Variants in SACS observed in about 807,000 individuals in gnomAD.
The protein encoded by SACS is sacsin.
A neutral mutation model predicts 348.0 loss-of-function variants in SACS; 197 were observed. That is an observed-to-expected ratio of 0.57 (90% CI 0.50 to 0.64). The LOEUF (loss-of-function observed/expected upper bound fraction) is 0.64. SACS is among the 30% of genes least tolerant of loss of function. SACS has a pLI of 0.00. For synonymous variants in SACS, 1,985 were observed against 1,910.6 expected (o/e 1.04, Z -1.02); for missense variants, 4,999 against 5,360.8 (o/e 0.93, Z 2.11).
chr13:23,384,878 T>C (rs1465374809), intron 2 of SACS, among the ~76,000 whole-genome samples: 2 of 152,186 alleles, frequency 1.3e-5, no homozygotes, highest in Non-Finnish European at 2.9e-5. Context: ...ATAAGTCACA[T>C]AATATTTTGT....
Position 23,365,208 on chromosome 13 carries a change from C to T in SACS, c.415G>A (p.Gly139Arg), listed in dbSNP as rs765332147. ...VKFLYDETQY[G>R]TETLWSKDMA... ...TCTTTTGACCAAAGAGTCTCTGTTCCGTATTGAGTTTCATCATATAAAAAT... is the reference window on the plus strand; with the variant it reads ...TCTTTTGACCAAAGAGTCTCTGTTCTGTATTGAGTTTCATCATATAAAAAT... The change falls in exon 6 of 10, where the codon GGA (glycine) becomes AGA (arginine). Residue 139 changes from glycine to arginine, a missense_variant. Physicochemically the swap from Gly to Arg is moderately radical, Grantham distance 125 (BLOSUM62 -2). This residue lies in a region of SACS where 3,156 missense variants were observed against 3,380.1 expected (regional missense o/e 0.93). Transcript: ENST00000382292. 5 of 1,612,732 alleles carry T rather than the reference C, an allele frequency of 3.1e-6. No individual in the cohort carries two copies. Among genetic ancestry groups the T allele is most frequent in the African/African-American group, 1.3e-5 (1 of 74,888 alleles).
chr13:23,429,459 T>C (rs951611807), intron 1 of SACS, among the ~76,000 whole-genome samples: 2 of 142,748 alleles, frequency 1.4e-5, no homozygotes, highest in African/African-American at 2.6e-5. Flanking sequence ...GCCTCCCGGG[T>C]TCACGCCATT....
At chr13:23,377,392 C>T (rs935903025) in intron 2 of SACS, among the ~76,000 whole-genome samples, 14 of 152,160 alleles carry the variant, frequency 9.2e-5, no homozygotes, top group African/African-American at 2.9e-4. Flanking sequence ...GAATGAAAAA[C>T]CTCGGTTTTT....
chr13:23,391,020 C>A (rs1872510750), intron 2 of SACS, among the ~76,000 whole-genome samples: 1 of 152,232 alleles, frequency 6.6e-6, no homozygotes, highest in African/African-American at 2.4e-5. Flanking sequence ...AGTGCAGACG[C>A]CACCACAGGC....
At position 23,336,922 on chromosome 13, in the gene SACS, A is replaced by C. The variant is rs1481828108; in HGVS notation, c.6954T>G (p.Ala2318=). Residue 2318 remains alanine, a synonymous_variant, in exon 10 of 10, where the codon GCT becomes GCG. Transcript: ENST00000382292. The part of the protein sequence containing the change: ...ITLYQENITN[A]CYKYLHEALM... ...AGGCTTCATGAAGGTATTTGTAGCA[A>C]GCATTGGTGATATTCTCCTGGTACA... 3 of 1,613,790 alleles carry C rather than the reference A, an allele frequency of 1.9e-6. No individual in the cohort carries two copies. Among genetic ancestry groups the C allele is most frequent in the Non-Finnish European group, 2.5e-6 (3 of 1,179,826 alleles).
intron 2 of SACS, among the ~76,000 whole-genome samples, chr13:23,378,172 G>C (rs556835292): frequency 6.6e-6 from 1 of 152,302 alleles, no homozygotes; most frequent in East Asian, 1.9e-4. Flanking sequence ...TGGTGCTTTT[G>C]AGTCTACTGG....
chr13:23,423,915 TCA>T (rs1336657974), intron 1 of SACS, among the ~76,000 whole-genome samples: 8 of 152,208 alleles, frequency 5.3e-5, no homozygotes, highest in Non-Finnish European at 1.2e-4. Context: ...CAATGACATT[TCA>T]GAGGATATTA....
rs1348513054 is a variant in SACS at position 23,354,813 on chromosome 13, T to C, written c.1799A>G (p.Gln600Arg). The change falls in exon 8 of 10, where the codon CAG becomes CGG. Residue 600 changes from glutamine (Q) to arginine (R), a missense_variant. By Grantham distance (43) the Gln-to-Arg change is conservative. Coordinates refer to ENST00000382292, the MANE Select transcript of SACS (RefSeq NM_014363.6). Reference sequence around the variant, plus strand: ...CACATTCCCTGGTACCTTGGCAATCTGCTTCCCTGAGCTCTGGAGGTAGTT... The same window carrying C: ...CACATTCCCTGGTACCTTGGCAATCCGCTTCCCTGAGCTCTGGAGGTAGTT... The part of the protein sequence containing the change: ...VLNYLQSSGK[Q>R]IAKVPGNVDA... 1.1e-5 allele frequency: 18 copies of C among 1,614,250 alleles called. No homozygotes were observed. The highest frequency in any genetic ancestry group is 1.5e-5 in the Non-Finnish European group (18 of 1,180,048).
chr13:23,407,359 C>T (rs1042504200), intron 2 of SACS, among the ~76,000 whole-genome samples: 8 of 152,226 alleles, frequency 5.3e-5, no homozygotes, highest in African/African-American at 4.8e-5. Flanking sequence ...CCACCACGCC[C>T]GGCTAATCTT....
In SACS at chr13:23,336,348, C is replaced by A. The variant is rs111920492; in HGVS notation, c.7528G>T (p.Ala2510Ser). 2 of 1,614,098 alleles carry A rather than the reference C, an allele frequency of 1.2e-6. No individual in the cohort carries two copies. Among genetic ancestry groups the A allele is most frequent in the Admixed American group, 3.3e-5 (2 of 60,024 alleles). Reference sequence around the variant, plus strand: ...AGTGTTGTAAAACAGACATTGGATGCATATCTTTCTAAGGCTTTGTGTCGC... The same window carrying A: ...AGTGTTGTAAAACAGACATTGGATGAATATCTTTCTAAGGCTTTGTGTCGC... The part of the protein sequence containing the change: ...PKRHKALERY[A>S]SNVCFTTLGT... The change falls in exon 10 of 10, where the codon GCA (alanine) becomes TCA (serine). Residue 2510 changes from alanine to serine, a missense_variant. By Grantham distance (99) the Ala-to-Ser change is moderately conservative (BLOSUM62 1). Transcript: ENST00000382292.
chr13:23,330,676 T>C lies in SACS; in HGVS notation c.13200A>G (p.Ser4400=). ...DKYSFQRFYT[S]WNQEATSHKS... ...TATGGCTCGTTGCTTCTTGATTCCATGAAGTATAGAATCTCTGAAATGAGT... is the reference window on the plus strand; with the variant it reads ...TATGGCTCGTTGCTTCTTGATTCCACGAAGTATAGAATCTCTGAAATGAGT... The change falls in exon 10 of 10, where the codon TCA becomes TCG. Residue 4400 remains serine, a synonymous_variant. Transcript: ENST00000382292. 1 of 1,614,118 alleles carries C rather than the reference T, an allele frequency of 6.2e-7. No individual in the cohort carries two copies. The highest frequency in any genetic ancestry group is 2.2e-5 in the East Asian group (1 of 44,890).
intron 6 of SACS, 78 bp from the exon 7 acceptor site, chr13:23,358,559 C>T: frequency 2.0e-6 from 3 of 1,483,238 alleles, no homozygotes; most frequent in Admixed American, 3.4e-5. Context: ...ATCCTCTATA[C>T]AAAATCTCTT....
In SACS at chr13:23,335,524, T is replaced by G. The variant is rs1453849346; in HGVS notation, c.8352A>C (p.Val2784=). ...GCCTCTTTTTAGTAACACTATCAAT[T>G]ACAGATGCATGAAATTGTTTCCTTT... ...RLKRKQFHAS[V]IDSVTKKRQL... Residue 2784 remains valine, a synonymous_variant, in exon 10 of 10, where the codon GTA becomes GTC. Coordinates refer to ENST00000382292, the MANE Select transcript of SACS (RefSeq NM_014363.6). The surrounding 1 kb of genome is among the most constrained non-coding windows in gnomAD (Gnocchi z 4.7). 6.2e-7 allele frequency: 1 copy of G among 1,613,720 alleles called. No homozygotes were observed. The highest frequency in any genetic ancestry group is 2.2e-5 in the East Asian group (1 of 44,878).
At chr13:23,409,214 G>A (rs1425448246) in intron 2 of SACS, among the ~76,000 whole-genome samples, 9 of 148,098 alleles carry the variant, frequency 6.1e-5, no homozygotes, top group Admixed American at 4.0e-4. Context: ...CCACCACCAC[G>A]CCCAGCTAGT....
At position 23,375,100 on chromosome 13, in the gene SACS, G is replaced by GC; in HGVS notation, c.171+18dup. On this transcript the variant is annotated intron_variant, in intron 3 of 9. Transcript: ENST00000382292. Reference sequence around the variant, plus strand: ...TCCGCGTGGCGGAGCCCAGCCCAGCGCCCCCGGCCACCGCCTACCTCGCGG... The same window carrying GC: ...TCCGCGTGGCGGAGCCCAGCCCAGCGCCCCCCGGCCACCGCCTACCTCGCGG... 2 of 1,485,358 alleles carry GC rather than the reference G, an allele frequency of 1.3e-6. No homozygotes were observed. Among genetic ancestry groups the GC allele is most frequent in the Non-Finnish European group, 1.8e-6 (2 of 1,117,688 alleles). 92.0% of individuals were successfully genotyped at this position (1,485,358 alleles called of 1,614,324 possible). A position where few individuals can be genotyped will look rare whatever the true frequency, so the allele number is the denominator to read the frequency against.
At chr13:23,383,255 G>A (rs1872142597) in intron 2 of SACS, among the ~76,000 whole-genome samples, 1 of 152,050 alleles carries the variant, frequency 6.6e-6, no homozygotes, top group African/African-American at 2.4e-5. Flanking sequence ...GATAAATATC[G>A]TTTGGCTTCA....
chr13:23,374,459 G>A (rs996584715), intron 3 of SACS, among the ~76,000 whole-genome samples: 3 of 152,162 alleles, frequency 2.0e-5, no homozygotes, highest in Admixed American at 2.0e-4. Context: ...ATCACATGAA[G>A]ATGTTTATTA....
chr13:23,432,680 ATTATTT>A (rs1035297035), intron 1 of SACS, among the ~76,000 whole-genome samples: 2 of 151,838 alleles, frequency 1.3e-5, no homozygotes, highest in African/African-American at 4.9e-5. Flanking sequence ...TATTATTATT[ATTATTT>A]TCATCCATGA....
rs775633710 is a variant in SACS, at chr13:23,333,718, T to C, written c.10158A>G (p.Ala3386=). 1.2e-6 allele frequency: 2 copies of C among 1,613,802 alleles called. No individual in the cohort carries two copies. Among genetic ancestry groups the C allele is most frequent in the Non-Finnish European group, 1.7e-6 (2 of 1,179,758 alleles). The stretch of plus-strand genomic sequence containing the variant: ...AATTGCAGTTGAAATACATCAAAAG[T>C]GCCTCAAAATCATTTTCTACTAATT... ...AEKLVENDFE[A]LLMYFNCNLN... The change falls in exon 10 of 10, where the codon GCA becomes GCG. Residue 3386 remains alanine (A), a synonymous_variant. Coordinates refer to ENST00000382292, the MANE Select transcript of SACS (RefSeq NM_014363.6).
Sources: allele counts gnomAD v4.1 joint callset (sites outside exome capture counted in the v4.1 genomes callset), GRCh38; gene constraint gnomAD v4.1.1; regional missense constraint gnomAD v4.1.1; non-coding constraint Gnocchi (gnomAD v3.1); transcripts MANE v1.5; gene names NCBI Gene and HGNC (gene_info 2026-07-23, HGNC 2026-07-21).